Variants in DAB1 observed in about 807,000 individuals in gnomAD.
DAB1 encodes the protein disabled homolog 1.
In DAB1, 15 loss-of-function variants were observed where a neutral mutation model predicts 64.6. That is an observed-to-expected ratio of 0.23 (90% CI 0.16 to 0.36). DAB1 has a LOEUF of 0.36. Among genes scored for constraint, DAB1 ranks in the 10% least tolerant of loss-of-function variants. DAB1 has a pLI of 1.00. For synonymous variants in DAB1, 235 were observed against 251.9 expected (o/e 0.93, Z 0.64); for missense variants, 596 against 706.7 (o/e 0.84, Z 1.78).
chr1:57,169,731 C>T (rs939312393), intron 2 of DAB1, among the ~76,000 whole-genome samples: 2 of 152,136 alleles, frequency 1.3e-5, no homozygotes, highest in African/African-American at 4.8e-5. Flanking sequence ...ATCTGGCTTC[C>T]CTGGCCTGTC....
At chr1:57,952,542 A>G (rs934361311) in intron 5 of DAB1, among the ~76,000 whole-genome samples, 1 of 152,118 alleles carries the variant, frequency 6.6e-6, no homozygotes, top group African/African-American at 2.4e-5. Context: ...GTCTGAGTGG[A>G]AAAAAGGGAG....
At chr1:57,033,601 G>A (rs1647034042) in intron 9 of DAB1, 1 of 1,598,710 alleles carries the variant, frequency 6.3e-7, no homozygotes, top group South Asian at 1.1e-5. Flanking sequence ...GATGAATGAG[G>A]ATGAAGTGAA....
chr1:58,045,352 C>T lies in DAB1; in HGVS notation n.387+105159G>A, dbSNP rs560711173. ...GGGTAAGGGCTAATGGACTGCTGGT[C>T]CAGGGGGACGGTCTGCAGCTTCACG... On this transcript the variant is annotated intron_variant and non_coding_transcript_variant, in intron 5 of 20. Coordinates refer to the DAB1 transcript ENST00000485760. Among the ~76,000 whole-genome samples, 385 of 152,276 alleles carry T rather than the reference C, an allele frequency of 2.5e-3. 5 individuals carry two copies. The highest frequency in any genetic ancestry group is 8.9e-3 in the African/African-American group (371 of 41,564).
chr1:57,391,812 C>G (rs568664), intron 1 of DAB1, among the ~76,000 whole-genome samples: 22,709 of 141,728 alleles, frequency 0.16, 2,057 homozygotes, highest in African/African-American at 0.26. Context: ...CACACACACA[C>G]AGAGAGAGGA....
chr1:58,106,189 T>C (rs1651630375), intron 5 of DAB1, among the ~76,000 whole-genome samples: 1 of 151,686 alleles, frequency 6.6e-6, no homozygotes, highest in Admixed American at 6.6e-5. Context: ...TCTCTCTCTC[T>C]TTCATAGAAA....
intron 5 of DAB1, among the ~76,000 whole-genome samples, chr1:58,053,276 A>G (rs1308727813): frequency 6.6e-6 from 1 of 152,202 alleles, no homozygotes; most frequent in Admixed American, 6.5e-5. Context: ...TGTAAAGAGA[A>G]AAGGTTCATT....
At chr1:57,015,482 G>A in intron 11 of DAB1, 51 bp from the exon 12 acceptor site, 1 of 1,503,756 alleles carries the variant, frequency 6.7e-7, no homozygotes, top group Non-Finnish European at 9.0e-7. Context: ...TCCTGGGAAA[G>A]AAGGATGCAT....
chr1:58,518,286 A>G (rs1443208349), intron 2 of DAB1, among the ~76,000 whole-genome samples: 160 of 13,752 alleles, frequency 0.012, 31 homozygotes, highest in African/African-American at 0.024. Context: ...AGGAGAAGAG[A>G]AGAGAAGAGA....
chr1:58,464,654 C>A lies in DAB1; in HGVS notation n.257+41406G>T, dbSNP rs187932004. On this transcript the variant is annotated intron_variant and non_coding_transcript_variant, in intron 3 of 20. Transcript: ENST00000485760. The stretch of plus-strand genomic sequence containing the variant: ...ATCAATATAACACAAAGATATAGCA[C>A]TAGGTTGCTGTGAGAATTAAAGGAA... 2.2e-4 allele frequency among the ~76,000 whole-genome samples: 33 copies of A among 152,284 alleles called. 1 individual carries two copies. The highest frequency in any genetic ancestry group is 2.1e-3 in the Admixed American group (32 of 15,298).
At chr1:58,159,025 G>A (rs1459301833) in intron 4 of DAB1, among the ~76,000 whole-genome samples, 2 of 152,136 alleles carry the variant, frequency 1.3e-5, no homozygotes, top group African/African-American at 4.8e-5. Context: ...TAGAACTGGA[G>A]ACAAATCTGA....
At position 58,056,079 on chromosome 1, in the gene DAB1, A is replaced by G. The variant is rs369122463; in HGVS notation, n.387+94432T>C. 9.1e-5 allele frequency: 74 copies of G among 817,258 alleles called. No individual in the cohort carries two copies. The East Asian group carries it at 1.8e-3, about 19-fold the overall frequency. The allele number at this position is 817,258 out of a possible 1,614,324, so 50.6% of individuals were successfully genotyped here. The stretch of plus-strand genomic sequence containing the variant: ...TTTTTTTTTTTTAAGTACAATTTCC[A>G]TTTTATTTTTCTCCAGAGAATAGCC... On this transcript the variant is annotated intron_variant and non_coding_transcript_variant, in intron 5 of 20. Transcript: ENST00000485760.
chr1:58,344,584 G>A (rs1446555198), intron 3 of DAB1, among the ~76,000 whole-genome samples: 1 of 152,118 alleles, frequency 6.6e-6, no homozygotes, highest in East Asian at 1.9e-4. Context: ...ATGCGGAGAA[G>A]AACTAGATAA....
chr1:58,136,524 C>T (rs1044198727), intron 5 of DAB1, among the ~76,000 whole-genome samples: 1 of 152,182 alleles, frequency 6.6e-6, no homozygotes, highest in African/African-American at 2.4e-5. Flanking sequence ...TCTTGAAATG[C>T]GAGATTTATA....
chr1:57,781,618 T>C (rs1210570550), intron 6 of DAB1, among the ~76,000 whole-genome samples: 1 of 151,916 alleles, frequency 6.6e-6, no homozygotes. Flanking sequence ...GGGAGAAATT[T>C]TAAGCACAGG....
intron 3 of DAB1, among the ~76,000 whole-genome samples, chr1:58,365,982 G>A (rs1168705067): frequency 2.0e-5 from 3 of 152,148 alleles, no homozygotes; most frequent in African/African-American, 4.8e-5. Flanking sequence ...CCCATCACTA[G>A]TGGTAGGTAC....
intron 7 of DAB1, among the ~76,000 whole-genome samples, chr1:57,476,242 A>T (rs1643935878): frequency 6.6e-6 from 1 of 151,080 alleles, no homozygotes. Context: ...AAAAAAAAAC[A>T]AAAAACAAAA....
At chr1:58,293,781 A>G (rs1661903769) in intron 4 of DAB1, among the ~76,000 whole-genome samples, 2 of 152,226 alleles carry the variant, frequency 1.3e-5, no homozygotes, top group Admixed American at 1.3e-4. Context: ...ATTTTCTTCC[A>G]AAGTGGTCAG....
intron 2 of DAB1, among the ~76,000 whole-genome samples, chr1:57,282,001 G>A (rs1671933066): frequency 6.6e-6 from 1 of 151,856 alleles, no homozygotes; most frequent in Non-Finnish European, 1.5e-5. Flanking sequence ...GGCCAACATG[G>A]CGAAACCCCA....
At chr1:58,116,501 T>A (rs1253450585) in intron 5 of DAB1, among the ~76,000 whole-genome samples, 1 of 152,170 alleles carries the variant, frequency 6.6e-6, no homozygotes, top group Admixed American at 6.6e-5. Flanking sequence ...GCTTCCAATA[T>A]ACATCAGACT....
Sources: gnomAD v4.1 joint callset for allele counts (sites outside exome capture counted in the v4.1 genomes callset) on GRCh38, gnomAD v4.1.1 for gene constraint, MANE v1.5 for transcripts, NCBI Gene and HGNC (gene_info 2026-07-23, HGNC 2026-07-21) for gene names.